The following KYAT1 variants were observed in gnomAD, a reference collection of about 807,000 sequenced individuals.
KYAT1 encodes the protein kynurenine--oxoglutarate transaminase 1.
KYAT1 carries 47 observed loss-of-function variants against 52.4 expected under a neutral mutation model. The ratio of observed to expected loss-of-function variants is 0.90; its 90% CI spans 0.71 to 1.14. The LOEUF (loss-of-function observed/expected upper bound fraction) is 1.14. Ranked by LOEUF, KYAT1 falls within the 50% of genes most tolerant of loss-of-function variation. KYAT1 has a pLI of 0.00. For synonymous variants in KYAT1, 212 were observed against 209.6 expected (o/e 1.01, Z -0.10); for missense variants, 480 against 557.9 (o/e 0.86, Z 1.41).
chr9:128,872,787 T>C (rs1404770735), intron 1 of KYAT1, among the ~76,000 whole-genome samples: 5 of 144,866 alleles, frequency 3.5e-5, no homozygotes, highest in East Asian at 4.2e-4. Context: ...AAAAAGACCA[T>C]GTTGGCCAGA....
chr9:128,860,448 C>T (rs1835299282), intron 1 of KYAT1: 1 of 152,164 alleles, frequency 6.6e-6, no homozygotes, highest in Non-Finnish European at 1.5e-5. Context: ...TCTGCTCTGG[C>T]AAATCATGAT....
At position 128,833,277 on chromosome 9, in the gene KYAT1, G is replaced by A. The variant is rs1183502196; in HGVS notation, c.*307C>T. The A allele has an allele frequency of 1.3e-5, 7 of 529,842 alleles. No individual in the cohort carries two copies. The African/African-American group carries it at 1.3e-4, about 10-fold the overall frequency. 32.8% of individuals were successfully genotyped at this position (529,842 alleles called of 1,614,324 possible). A position where few individuals can be genotyped will look rare whatever the true frequency, so the allele number is the denominator to read the frequency against. On this transcript the variant is annotated 3_prime_UTR_variant, in exon 13 of 13. Coordinates refer to ENST00000302586, the MANE Select transcript of KYAT1 (RefSeq NM_004059.5). ...AGCTGGGATGTGATCGGTACATGGTGGAAGTCTACCGTCCGTCTCAGCCAA... is the reference window on the plus strand; with the variant it reads ...AGCTGGGATGTGATCGGTACATGGTAGAAGTCTACCGTCCGTCTCAGCCAA...
At chr9:128,848,240 T>A (rs2119213919) in intron 1 of KYAT1, among the ~76,000 whole-genome samples, 1 of 144,022 alleles carries the variant, frequency 6.9e-6, no homozygotes, top group African/African-American at 2.6e-5. Context: ...AATCACTTGA[T>A]CCTGGAGAGG....
chr9:128,837,592 G>A (rs567535755), intron 6 of KYAT1, 93 bp downstream of exon 6: 5 of 1,454,944 alleles, frequency 3.4e-6, no homozygotes, highest in East Asian at 2.3e-5. Flanking sequence ...ACACACAAAC[G>A]AAGAAACGGA....
At chr9:128,876,919 G>C (rs1838128905) in intron 1 of KYAT1, among the ~76,000 whole-genome samples, 4 of 149,602 alleles carry the variant, frequency 2.7e-5, no homozygotes, top group Admixed American at 2.7e-4. Flanking sequence ...ATTTTTTTGA[G>C]ATGGAGTCTC....
chr9:128,880,748 A>G (rs967027056), intron 1 of KYAT1, among the ~76,000 whole-genome samples: 1 of 151,704 alleles, frequency 6.6e-6, no homozygotes, highest in Admixed American at 6.6e-5. Context: ...GGCCCTGGCT[A>G]TGATATTGCT....
chr9:128,835,586 T>C lies in KYAT1; in HGVS notation c.937A>G (p.Met313Val), dbSNP rs767172486. 6.2e-7 allele frequency: 1 copy of C among 1,613,250 alleles called. No individual in the cohort carries two copies. Among genetic ancestry groups the C allele is most frequent in the South Asian group, 1.1e-5 (1 of 91,082 alleles). ...SSYFVQFPQA[M>V]QRCRDHMIRS... ...ATCATGTGGTCACGGCAGCGCTGCA[T>C]GGCCTGCGGGAACTGCACAAAGTAG... The change falls in exon 10 of 13, where the codon ATG (methionine) becomes GTG (valine). Residue 313 changes from methionine (M) to valine (V), a missense_variant. Coordinates refer to ENST00000302586, the MANE Select transcript of KYAT1 (RefSeq NM_004059.5).
chr9:128,842,264 C>T (rs1832331394), intron 3 of KYAT1: 1 of 177,494 alleles, frequency 5.6e-6, no homozygotes, highest in Non-Finnish European at 1.2e-5. Flanking sequence ...GTGGTCCTTT[C>T]CGGAAAACGT....
rs575468088 is a variant in KYAT1 at position 128,850,458 on chromosome 9, T to TAAC, written c.-6-5050_-6-5048dup. ...TAGGGCTGTGCAGGATATGCCTTGT[T>TAAC]AACAAAATGTTTACAAGCAGTATGC... is the stretch of plus-strand genomic sequence containing the variant. On this transcript the variant is annotated intron_variant, in intron 1 of 12. Coordinates refer to ENST00000302586, the MANE Select transcript of KYAT1 (RefSeq NM_004059.5). Among the ~76,000 whole-genome samples, 158 of 152,320 alleles carry TAAC rather than the reference T, an allele frequency of 1.0e-3. No homozygotes were observed. In the East Asian group the frequency reaches 0.029, roughly 28 times the overall value.
rs576578064 is a variant in KYAT1 at position 128,866,943 on chromosome 9, G to A, written c.-7+14954C>T. 3.9e-5 allele frequency among the ~76,000 whole-genome samples: 6 copies of A among 152,028 alleles called. No homozygotes were observed. In the East Asian group the frequency reaches 1.2e-3, roughly 29 times the overall value. On this transcript the variant is annotated intron_variant, in intron 1 of 12. Coordinates refer to ENST00000302586, the MANE Select transcript of KYAT1 (RefSeq NM_004059.5). ...AAGTCAATAACCTTGAAAGGATGCT[G>A]AAAATTAGTCATAATTAGTGATACG...
intron 5 of KYAT1, 55 bp downstream of exon 5, chr9:128,837,996 C>A (rs1428197456): frequency 6.3e-7 from 1 of 1,576,804 alleles, no homozygotes; most frequent in Non-Finnish European, 8.7e-7. Context: ...CAGGGTCCAA[C>A]TCAGCCCACG....
Position 128,833,189 on chromosome 9 carries a change from C to T in KYAT1, c.*395G>A. The T allele has an allele frequency of 3.9e-6, 1 of 254,182 alleles. No homozygotes were observed. The highest frequency in any genetic ancestry group is 7.5e-6 in the Non-Finnish European group (1 of 132,644). The allele number at this position is 254,182 out of a possible 1,614,324, so 15.7% of individuals were successfully genotyped here. A position where few individuals can be genotyped will look rare whatever the true frequency, so the allele number is the denominator to read the frequency against. ...GAGGACTCAAGCCTAAAGGCAACTC[C>T]CCAAGGCCAAGATGAGCCAGGGAAG... On this transcript the variant is annotated 3_prime_UTR_variant, in exon 13 of 13. Coordinates refer to ENST00000302586, the MANE Select transcript of KYAT1 (RefSeq NM_004059.5).
At position 128,836,788 on chromosome 9, in the gene KYAT1, C is replaced by G; in HGVS notation, c.688+14G>C. On this transcript the variant is annotated intron_variant, in intron 7 of 12. Transcript: ENST00000302586. ...CAATGTGCAGGGGAGGGGCCCCAGG[C>G]TGGCTTGGCTCACCAATGCTGATGT... The G allele has an allele frequency of 6.2e-7, 1 of 1,611,186 alleles. No homozygotes were observed. Among genetic ancestry groups the G allele is most frequent in the Non-Finnish European group, 8.5e-7 (1 of 1,178,718 alleles).
intron 1 of KYAT1, among the ~76,000 whole-genome samples, chr9:128,856,016 G>C (rs1834547218): frequency 6.6e-6 from 1 of 152,126 alleles, no homozygotes; most frequent in Non-Finnish European, 1.5e-5. Flanking sequence ...TGAGAGATAG[G>C]CTCATGAGCT....
intron 3 of KYAT1, among the ~76,000 whole-genome samples, chr9:128,838,689 G>A (rs1281835601): frequency 1.3e-5 from 2 of 152,204 alleles, no homozygotes; most frequent in African/African-American, 4.8e-5. Context: ...CACCAGGCCT[G>A]CACTGACTCA....
intron 1 of KYAT1, among the ~76,000 whole-genome samples, chr9:128,875,086 C>A (rs1355534971): frequency 6.6e-6 from 1 of 152,012 alleles, no homozygotes; most frequent in Non-Finnish European, 1.5e-5. Flanking sequence ...TTATCTTTTT[C>A]TTTAGAACCA....
chr9:128,854,666 T>G (rs573112107), intron 1 of KYAT1, among the ~76,000 whole-genome samples: 2 of 152,372 alleles, frequency 1.3e-5, no homozygotes, highest in Admixed American at 6.5e-5. Context: ...TCTCACTATG[T>G]CTGCAGGAGC....
chr9:128,878,656 C>A (rs1302448482), intron 1 of KYAT1, among the ~76,000 whole-genome samples: 1 of 152,060 alleles, frequency 6.6e-6, no homozygotes, highest in Non-Finnish European at 1.5e-5. Context: ...AGACACAGTC[C>A]CCCTGGGCTT....
At chr9:128,843,104 T>C (rs1008128099) in intron 2 of KYAT1, among the ~76,000 whole-genome samples, 1 of 151,300 alleles carries the variant, frequency 6.6e-6, no homozygotes, top group Admixed American at 6.6e-5. Context: ...GAACCGGAGG[T>C]TGAAGTGAGC....
Sources: gnomAD v4.1 joint callset for allele counts (sites outside exome capture counted in the v4.1 genomes callset) on GRCh38, gnomAD v4.1.1 for gene constraint, MANE v1.5 for transcripts, NCBI Gene and HGNC (gene_info 2026-07-23, HGNC 2026-07-21) for gene names.